The following CARD14 variants were observed in gnomAD, a reference collection of about 807,000 sequenced individuals.
CARD14 encodes caspase recruitment domain-containing protein 14.
Under a neutral mutation model 111.5 loss-of-function variants are expected in CARD14, and 107 were observed. The ratio of observed to expected loss-of-function variants is 0.96; its 90% CI spans 0.82 to 1.13. CARD14 has a LOEUF of 1.13. Ranked by LOEUF, CARD14 falls within the 50% of genes most tolerant of loss-of-function variation. The pLI, the probability that CARD14 is intolerant of heterozygous loss-of-function variation, is 0.00. For missense variants in CARD14, 1,322 were observed against 1,362.3 expected (o/e 0.97, Z 0.47); for synonymous variants, 617 against 579.6 (o/e 1.06, Z -0.93).
In CARD14 at chr17:80,208,251, G is replaced by T; in HGVS notation, c.2921G>T (p.Gly974Val). The T allele has an allele frequency of 6.3e-7, 1 of 1,584,570 alleles. No homozygotes were observed. The highest frequency in any genetic ancestry group is 8.6e-7 in the Non-Finnish European group (1 of 1,166,552). Residue 974 changes from glycine to valine, a missense_variant, in exon 24 of 24, where the codon GGC becomes GTC. Physicochemically the swap from Gly to Val is moderately radical, Grantham distance 109 (BLOSUM62 -3). Coordinates refer to ENST00000648509, the MANE Select transcript of CARD14 (RefSeq NM_001366385.1). ...CTATACAGCAGCCTGGCTCCTGACG[G>T]CTGGAGCGACCTGGACGGCCTGCTC... ...PCLYSSLAPD[G>V]WSDLDGLLSC...
At chr17:80,206,922 C>T in intron 22 of CARD14, 48 bp from the exon 23 acceptor site, 2 of 1,447,992 alleles carry the variant, frequency 1.4e-6, no homozygotes, top group Non-Finnish European at 1.9e-6. Flanking sequence ...CCTTTGCTTC[C>T]TCTGAGGCCT....
chr17:80,195,296 G>A lies in CARD14; in HGVS notation c.1462G>A (p.Val488Met), dbSNP rs2040670895. 5 of 1,612,896 alleles carry A rather than the reference G, an allele frequency of 3.1e-6. No individual in the cohort carries two copies. The East Asian group carries it at 8.9e-5, about 29-fold the overall frequency. Reference protein sequence around the residue: ...PPSQQSLYKRVAEDFGEEPWS... With the variant: ...PPSQQSLYKRMAEDFGEEPWS... ...CAGCCAGCAGTCCCTGTACAAGCGG[G>A]TGGCCGAGGACTTCGGGGAAGAACC... is the stretch of plus-strand genomic sequence containing the variant. The change falls in exon 13 of 24, where the codon GTG becomes ATG. Residue 488 changes from valine to methionine, a missense_variant. Transcript: ENST00000648509. The surrounding 1 kb of genome is among the most constrained non-coding windows in gnomAD (Gnocchi z 4.7).
chr17:80,201,475 A>C lies in CARD14; in HGVS notation c.1852-269A>C, dbSNP rs569545211. On this transcript the variant is annotated intron_variant, in intron 16 of 23. Transcript: ENST00000648509. The surrounding 1 kb of genome is among the most constrained non-coding windows in gnomAD (Gnocchi z 5.0). ...TTTTCTTTTCTTTTTCAAGACAGGA[A>C]AGTGCTTATCACAAAGAACCCCCGA... The C allele has an allele frequency of 8.7e-5, 42 of 480,276 alleles. No homozygotes were observed. Among genetic ancestry groups the C allele is most frequent in the Non-Finnish European group, 1.5e-4 (41 of 268,674 alleles). The allele number at this position is 480,276 out of a possible 1,614,324, so 29.8% of individuals were successfully genotyped here.
rs573376427 is a variant in CARD14 at position 80,204,355 on chromosome 17, A to C, written c.2398+14A>C. 6.3e-5 allele frequency: 97 copies of C among 1,541,326 alleles called. No homozygotes were observed. In the East Asian group the frequency reaches 2.2e-3, roughly 35 times the overall value. On this transcript the variant is annotated intron_variant, in intron 20 of 23. Transcript: ENST00000648509. ...GCAGGATGGAGGGTGAGGCCTGGTG[A>C]GCTGGCACAGGGGCCACTGGCTCCA...
Position 80,189,661 on chromosome 17 carries a change from C to G in CARD14, c.844-92C>G. Reference sequence around the variant, plus strand: ...GACTGCATCCGTCCACACACCTGACCGTGCAGTTGCCGCCATCTTCTCGGG... The same window carrying G: ...GACTGCATCCGTCCACACACCTGACGGTGCAGTTGCCGCCATCTTCTCGGG... On this transcript the variant is annotated intron_variant, in intron 8 of 23. Transcript: ENST00000648509. This position sits in a 1 kb window ranked among gnomAD's most constrained non-coding sequence, Gnocchi z 4.7. 6 of 1,379,294 alleles carry G rather than the reference C, an allele frequency of 4.4e-6. No homozygotes were observed. Among genetic ancestry groups the G allele is most frequent in the Non-Finnish European group, 4.7e-6 (5 of 1,054,554 alleles). The allele number at this position is 1,379,294 out of a possible 1,614,324, so 85.4% of individuals were successfully genotyped here. A position where few individuals can be genotyped will look rare whatever the true frequency, so the allele number is the denominator to read the frequency against.
chr17:80,201,375 C>G lies in CARD14; in HGVS notation c.1852-369C>G, dbSNP rs2040965138. The G allele has an allele frequency of 4.2e-6, 1 of 238,956 alleles. No homozygotes were observed. The highest frequency in any genetic ancestry group is 5.2e-5 in the Admixed American group (1 of 19,068). 14.8% of individuals were successfully genotyped at this position (238,956 alleles called of 1,614,324 possible). A position where few individuals can be genotyped will look rare whatever the true frequency, so the allele number is the denominator to read the frequency against. The stretch of plus-strand genomic sequence containing the variant: ...GGGCCCGGTATAGCCCGCAGCAGCA[C>G]AGAATGATCCCAAGGCTAAGAAACC... On this transcript the variant is annotated intron_variant, in intron 16 of 23. Coordinates refer to ENST00000648509, the MANE Select transcript of CARD14 (RefSeq NM_001366385.1). This position sits in a 1 kb window ranked among gnomAD's most constrained non-coding sequence, Gnocchi z 5.0.
At chr17:80,205,242 C>T (rs2041226646) in intron 21 of CARD14, 37 bp downstream of exon 21, 3 of 1,548,374 alleles carry the variant, frequency 1.9e-6, no homozygotes, top group Middle Eastern at 1.7e-4. Context: ...ACCCCTTCCA[C>T]CTTCCCTCCC....
rs1432591823 is a variant in CARD14 at position 80,172,365 on chromosome 17, T to TA, written c.-689-539dup. ...ATAAAGATGCTGCACTCTCCTTCAC[T>TA]AAGTAGAAAGCTGAGAAATCCTGCC... On this transcript the variant is annotated intron_variant, in intron 1 of 23. Coordinates refer to ENST00000648509, the MANE Select transcript of CARD14 (RefSeq NM_001366385.1). Among the ~76,000 whole-genome samples the TA allele has an allele frequency of 5.9e-5, 9 of 152,328 alleles. No homozygotes were observed. In the South Asian group the frequency reaches 1.7e-3, roughly 28 times the overall value.
intron 11 of CARD14, 108 bp downstream of exon 11, chr17:80,191,580 G>C: frequency 7.0e-7 from 1 of 1,431,660 alleles, no homozygotes; most frequent in Non-Finnish European, 9.5e-7. Context: ...AGGACAGGCA[G>C]GGTCCCAGGC....
intron 6 of CARD14, 145 bp from the exon 7 acceptor site, chr17:80,183,768 A>C: frequency 2.3e-6 from 1 of 443,216 alleles, no homozygotes; most frequent in Admixed American, 4.1e-5. Flanking sequence ...AGCTGCCCAC[A>C]TGCTCACCCG....
At chr17:80,183,260 G>A (rs2040230726) in intron 6 of CARD14, among the ~76,000 whole-genome samples, 1 of 152,206 alleles carries the variant, frequency 6.6e-6, no homozygotes, top group East Asian at 1.9e-4. Flanking sequence ...CCTTCAGGGA[G>A]TAATTCTAGG....
chr17:80,194,995 C>A (rs1381166848), intron 12 of CARD14, among the ~76,000 whole-genome samples, 196 bp from the exon 13 acceptor site: 2 of 152,208 alleles, frequency 1.3e-5, no homozygotes, highest in African/African-American at 4.8e-5. Flanking sequence ...GTGCTGTGTG[C>A]TAATTGCATG....
At chr17:80,170,232 A>T (rs12451566) in intron 1 of CARD14, 176 bp downstream of exon 1, 2 of 151,908 alleles carry the variant, frequency 1.3e-5, no homozygotes, top group Non-Finnish European at 2.9e-5. Context: ...GGACTAGAGA[A>T]CAGAAAACGG....
chr17:80,190,419 C>T (rs1305776540), intron 9 of CARD14, among the ~76,000 whole-genome samples: 13 of 152,032 alleles, frequency 8.6e-5, no homozygotes, highest in Admixed American at 8.5e-4. Flanking sequence ...TCCAGACCAG[C>T]CTGGCCAATA....
At chr17:80,187,764 C>T in intron 7 of CARD14, 1 of 985,484 alleles carries the variant, frequency 1.0e-6, no homozygotes, top group Non-Finnish European at 1.2e-6. Context: ...AGAGGGCGGG[C>T]CCGTGGCTCG....
intron 3 of CARD14, 80 bp downstream of exon 3, chr17:80,178,735 C>T (rs2040083180): frequency 6.6e-6 from 1 of 152,190 alleles, no homozygotes; most frequent in Non-Finnish European, 1.5e-5. Flanking sequence ...CGATCATTTT[C>T]CATGTTTTAT....
At chr17:80,181,286 G>A in intron 4 of CARD14, 133 bp from the exon 5 acceptor site, 1 of 678,036 alleles carries the variant, frequency 1.5e-6, no homozygotes, top group South Asian at 1.9e-5. Flanking sequence ...AACATCTCAA[G>A]ACTGTGGGTT....
intron 12 of CARD14, among the ~76,000 whole-genome samples, chr17:80,193,567 A>G (rs1159165516): frequency 3.9e-5 from 6 of 152,016 alleles, no homozygotes; most frequent in African/African-American, 1.4e-4. Context: ...GTGCCACAGG[A>G]TGCCGGGAGC....
intron 4 of CARD14, among the ~76,000 whole-genome samples, chr17:80,179,661 C>T (rs1246425106): frequency 1.3e-5 from 2 of 152,110 alleles, no homozygotes; most frequent in Non-Finnish European, 2.9e-5. Flanking sequence ...ACGGAGATTC[C>T]ATCTCTACAA....
Sources: gnomAD v4.1 joint callset for allele counts (sites outside exome capture counted in the v4.1 genomes callset) on GRCh38, gnomAD v4.1.1 for gene constraint, Gnocchi (gnomAD v3.1) non-coding constraint, MANE v1.5 for transcripts, NCBI Gene and HGNC (gene_info 2026-07-23, HGNC 2026-07-21) for gene names.